WNK2: variants seen among roughly 807,000 people sequenced by gnomAD.
WNK2 encodes serine/threonine-protein kinase WNK2.
WNK2 carries 67 observed loss-of-function variants against 192.1 expected under a neutral mutation model. That is an observed-to-expected ratio of 0.35 (90% confidence interval 0.29 to 0.43). WNK2 has a LOEUF of 0.43. Among genes scored for constraint, WNK2 ranks in the 20% least tolerant of loss-of-function variants. WNK2 has a pLI of 1.00. For synonymous variants in WNK2, 1,439 were observed against 1,393.9 expected, an observed-to-expected ratio of 1.03 and a Z score of -0.72; for missense variants, 2,698 against 3,089.7, an observed-to-expected ratio of 0.87 and a Z score of 3.01.
chr9:93,320,407 CA>C lies in WNK2; in HGVS notation c.*16del, dbSNP rs1198893602. On this transcript the variant is annotated 3_prime_UTR_variant, in exon 30 of 30. Coordinates refer to ENST00000427277, the MANE Select transcript of WNK2 (RefSeq NM_006648.4). ...AGCCTGACTGACCCCGCCTAGACGCCAGGCCCACTTCACGCCGTCTAAGTGG... is the reference window on the plus strand; with the variant it reads ...AGCCTGACTGACCCCGCCTAGACGCCGGCCCACTTCACGCCGTCTAAGTGG... The C allele has an allele frequency of 7.3e-7, 1 of 1,367,590 alleles. No individual in the cohort carries two copies. The highest frequency in any genetic ancestry group is 1.5e-5 in the African/African-American group (1 of 67,776). The allele number at this position is 1,367,590 out of a possible 1,614,324, so 84.7% of individuals were successfully genotyped here. A position where few individuals can be genotyped will look rare whatever the true frequency, so the allele number is the denominator to read the frequency against.
chr9:93,277,942 T>C (rs555579467), intron 19 of WNK2, among the ~76,000 whole-genome samples: 264 of 152,124 alleles, frequency 1.7e-3, no homozygotes, highest in Middle Eastern at 3.4e-3. Flanking sequence ...CCACCAACAA[T>C]AAAAAGGGCC....
At chr9:93,237,297 T>C (rs1425944607) in intron 5 of WNK2, among the ~76,000 whole-genome samples, 1 of 152,218 alleles carries the variant, frequency 6.6e-6, no homozygotes, top group Non-Finnish European at 1.5e-5. Context: ...ATTCCAGTTT[T>C]ATGAATGTCA....
chr9:93,278,739 C>T (rs1847303619), intron 19 of WNK2, among the ~76,000 whole-genome samples: 1 of 152,176 alleles, frequency 6.6e-6, no homozygotes, highest in Non-Finnish European at 1.5e-5. Flanking sequence ...ACCCTACCTT[C>T]TAAACCAAAC....
In WNK2 at chr9:93,239,248, C is replaced by G. The variant is rs1480843385; in HGVS notation, c.1323-509C>G. ...GGTCCTCACTCTCCTCCAGCTCACCCTCTGCTCTGCTCTCTGTCATCTGGC... is the reference window on the plus strand; with the variant it reads ...GGTCCTCACTCTCCTCCAGCTCACCGTCTGCTCTGCTCTCTGTCATCTGGC... On this transcript the variant is annotated intron_variant, in intron 6 of 29. Transcript: ENST00000427277. The surrounding 1 kb of genome is among the most constrained non-coding windows in gnomAD (Gnocchi z 4.2). Among the ~76,000 whole-genome samples, 1 of 152,226 alleles carries G rather than the reference C, an allele frequency of 6.6e-6. No individual in the cohort carries two copies. The highest frequency in any genetic ancestry group is 1.5e-5 in the Non-Finnish European group (1 of 68,032).
chr9:93,261,397 A>G (rs1404359703), intron 12 of WNK2, among the ~76,000 whole-genome samples: 2 of 152,186 alleles, frequency 1.3e-5, no homozygotes, highest in Admixed American at 6.5e-5. Context: ...GTCGCCCTCC[A>G]GGAGGCGGCA....
Position 93,262,632 on chromosome 9 carries a change from G to A in WNK2, c.3361-38G>A, listed in dbSNP as rs7867166. ...TGTGCCCACAGGGAGGCGGGAGTCC[G>A]CATGACCTGTTCTCTTTTCTCCGGG... On this transcript the variant is annotated intron_variant, in intron 13 of 29. Transcript: ENST00000427277. The A allele has an allele frequency of 8.0e-4, 1,288 of 1,610,330 alleles. 15 individuals are homozygous for A. In the African/African-American group the frequency reaches 0.015, roughly 19 times the overall value.
At chr9:93,261,449 G>A (rs534584069) in intron 12 of WNK2, among the ~76,000 whole-genome samples, 17 of 152,308 alleles carry the variant, frequency 1.1e-4, no homozygotes, top group African/African-American at 3.8e-4. Flanking sequence ...CACTCTGACC[G>A]GGGGCCAGAT....
chr9:93,268,857 A>G, intron 19 of WNK2, 111 bp downstream of exon 19: 2 of 1,573,268 alleles, frequency 1.3e-6, no homozygotes, highest in Non-Finnish European at 8.6e-7. Flanking sequence ...CAGGGGGCTC[A>G]CCCTGCCCTG....
intron 27 of WNK2, chr9:93,307,033 T>C: frequency 1.6e-6 from 1 of 620,296 alleles, no homozygotes. Context: ...GCGCCTAGAG[T>C]TTGTGCGGTC....
At position 93,239,868 on chromosome 9, in the gene WNK2, C is replaced by G. The variant is rs780004066; in HGVS notation, c.1434C>G (p.Leu478=). The change falls in exon 7 of 30, where the codon CTC becomes CTG. Residue 478 remains leucine, a synonymous_variant. Transcript: ENST00000427277. This position sits in a 1 kb window ranked among gnomAD's most constrained non-coding sequence, Gnocchi z 4.2. ...GGAAGTCCACCATCGCCCTGAGGCT[C>G]TGGGTGGAAGACCCCAAGAAACTGA... The part of the protein sequence containing the change: ...HGRKSTIALR[L]WVEDPKKLKG... The G allele has an allele frequency of 6.2e-7, 1 of 1,605,968 alleles. No individual in the cohort carries two copies. Among genetic ancestry groups the G allele is most frequent in the Non-Finnish European group, 8.5e-7 (1 of 1,176,422 alleles).
At position 93,263,716 on chromosome 9, in the gene WNK2, C is replaced by G; in HGVS notation, c.3561C>G (p.Pro1187=). Residue 1187 remains proline, a synonymous_variant, in exon 15 of 30, where the codon CCC becomes CCG. Transcript: ENST00000427277. ...ARSRQERASR[P]RLTILNVCNT... ...CCCGGCAGGAGAGGGCCAGCCGGCCCCGGCTTACCATCTTGAACGTGAGTG... is the reference window on the plus strand; with the variant it reads ...CCCGGCAGGAGAGGGCCAGCCGGCCGCGGCTTACCATCTTGAACGTGAGTG... 2 of 1,518,692 alleles carry G rather than the reference C, an allele frequency of 1.3e-6. No individual in the cohort carries two copies. Among genetic ancestry groups the G allele is most frequent in the Middle Eastern group, 3.5e-4 (2 of 5,644 alleles). The allele number at this position is 1,518,692 out of a possible 1,614,324, so 94.1% of individuals were successfully genotyped here. A position where few individuals can be genotyped will look rare whatever the true frequency, so the allele number is the denominator to read the frequency against.
At chr9:93,232,566 TCTC>T (rs1839009451) in intron 4 of WNK2, among the ~76,000 whole-genome samples, 1 of 152,122 alleles carries the variant, frequency 6.6e-6, no homozygotes. Flanking sequence ...AGGCTTGTGA[TCTC>T]CTACTCAGGA....
In WNK2 at chr9:93,202,951, C is replaced by T. The variant is rs953390316; in HGVS notation, c.681+17341C>T. 1.1e-4 allele frequency among the ~76,000 whole-genome samples: 17 copies of T among 152,196 alleles called. 1 individual carries two copies. Among genetic ancestry groups the T allele is most frequent in the Admixed American group, 9.2e-4 (14 of 15,296 alleles). On this transcript the variant is annotated intron_variant, in intron 2 of 29. Coordinates refer to ENST00000427277, the MANE Select transcript of WNK2 (RefSeq NM_006648.4). ...CAAGGACCACATCTAAGGCCATTTG[C>T]GAGGCACCCAGGCTGGTTTCCACGT...
intron 19 of WNK2, among the ~76,000 whole-genome samples, chr9:93,272,166 C>T (rs1212815923): frequency 1.3e-5 from 2 of 152,158 alleles, no homozygotes; most frequent in Non-Finnish European, 2.9e-5. Flanking sequence ...AGAAGATAAC[C>T]TGGAACATCC....
Position 93,247,982 on chromosome 9 carries a change from C to T in WNK2, c.1834+148C>T, listed in dbSNP as rs1289582966. ...CCGCATGGCATCCCCTCGGAGGAGA[C>T]ATCGTGTAGCTCTGAGCTGTCCTCA... On this transcript the variant is annotated intron_variant, in intron 8 of 29. Coordinates refer to ENST00000427277, the MANE Select transcript of WNK2 (RefSeq NM_006648.4). The surrounding 1 kb of genome is among the most constrained non-coding windows in gnomAD (Gnocchi z 5.2). The T allele has an allele frequency of 3.3e-6, 3 of 913,364 alleles. No individual in the cohort carries two copies. The highest frequency in any genetic ancestry group is 5.3e-5 in the East Asian group (2 of 37,690). 56.6% of individuals were successfully genotyped at this position (913,364 alleles called of 1,614,324 possible). A position where few individuals can be genotyped will look rare whatever the true frequency, so the allele number is the denominator to read the frequency against.
In WNK2 at chr9:93,253,094, C is replaced by A; in HGVS notation, c.2034+12C>A. On this transcript the variant is annotated intron_variant, in intron 9 of 29. Transcript: ENST00000427277. The stretch of plus-strand genomic sequence containing the variant: ...AGCCCACGGCTGCAGTGAGTCAGAG[C>A]ATCACTCCCACCCCCTTCCCCATCC... 2 of 1,423,416 alleles carry A rather than the reference C, an allele frequency of 1.4e-6. No individual in the cohort carries two copies. The highest frequency in any genetic ancestry group is 1.8e-6 in the Non-Finnish European group (2 of 1,089,496). The allele number at this position is 1,423,416 out of a possible 1,614,324, so 88.2% of individuals were successfully genotyped here.
intron 2 of WNK2, among the ~76,000 whole-genome samples, chr9:93,223,460 A>G (rs541342045): frequency 9.9e-5 from 15 of 152,240 alleles, no homozygotes; most frequent in Non-Finnish European, 2.2e-4. Flanking sequence ...CTGACTGGTA[A>G]TTTTTGGCAC....
intron 8 of WNK2, among the ~76,000 whole-genome samples, chr9:93,248,922 A>G (rs1475513451): frequency 6.6e-6 from 1 of 152,246 alleles, no homozygotes; most frequent in East Asian, 1.9e-4. Context: ...AGACTGAAAT[A>G]GTCTGTTTAA....
Position 93,247,657 on chromosome 9 carries a change from A to G in WNK2, c.1657A>G (p.Lys553Glu), listed in dbSNP as rs939065975. Residue 553 changes from lysine to glutamate, a missense_variant, in exon 8 of 30, where the codon AAG (lysine) becomes GAG (glutamate). Lys to Glu is a moderately conservative substitution (Grantham distance 56). Coordinates refer to ENST00000427277, the MANE Select transcript of WNK2 (RefSeq NM_006648.4). This position sits in a 1 kb window ranked among gnomAD's most constrained non-coding sequence, Gnocchi z 5.2. ...RERIWPALQP[K>E]EQQDVGSPDK... is the part of the protein sequence containing the mutation. The stretch of plus-strand genomic sequence containing the variant: ...GAGGATCTGGCCCGCGCTGCAGCCC[A>G]AGGAGCAGCAGGATGTGGGCAGCCC... 7.0e-6 allele frequency: 11 copies of G among 1,581,988 alleles called. No individual in the cohort carries two copies. The highest frequency in any genetic ancestry group is 8.6e-6 in the Non-Finnish European group (10 of 1,164,388).
Sources: allele counts gnomAD v4.1 joint callset (sites outside exome capture counted in the v4.1 genomes callset), GRCh38; gene constraint gnomAD v4.1.1; non-coding constraint Gnocchi (gnomAD v3.1); transcripts MANE v1.5; gene names NCBI Gene and HGNC (gene_info 2026-07-23, HGNC 2026-07-21).